The following SIPA1 variants were observed in gnomAD, a reference collection of about 807,000 sequenced individuals.
SIPA1 encodes the protein signal-induced proliferation-associated protein 1.
Under a neutral mutation model 88.1 loss-of-function variants are expected in SIPA1, and 51 were observed. That is an observed-to-expected ratio of 0.58 (90% CI 0.46 to 0.73). The LOEUF (loss-of-function observed/expected upper bound fraction) is 0.73, where lower values mean the gene tolerates loss of function less well. Among genes scored for constraint, SIPA1 ranks in the 30% least tolerant of loss-of-function variants. The pLI, the probability that SIPA1 is intolerant of heterozygous loss-of-function variation, is 0.00. For missense variants in SIPA1, 1,348 were observed against 1,467.6 expected, an observed-to-expected ratio of 0.92 and a Z score of 1.33; for synonymous variants, 681 against 664.8, an observed-to-expected ratio of 1.02 and a Z score of -0.37.
At chr11:65,638,816 G>A (rs2135501722) in intron 1 of SIPA1, among the ~76,000 whole-genome samples, 1 of 152,348 alleles carries the variant, frequency 6.6e-6, no homozygotes, top group South Asian at 2.1e-4. Context: ...CCAGAGCCTG[G>A]CACTGGGCCA....
intron 5 of SIPA1, 68 bp downstream of exon 5, chr11:65,645,197 C>T (rs983852854): frequency 6.8e-7 from 1 of 1,467,052 alleles, no homozygotes; most frequent in African/African-American, 1.4e-5. Flanking sequence ...ATTGCCTTGT[C>T]ACTCCTTTGT....
In SIPA1 at chr11:65,649,773, C is replaced by T. The variant is rs1856221341; in HGVS notation, c.2654C>T (p.Pro885Leu). Residue 885 changes from proline (P) to leucine (L), a missense_variant, in exon 12 of 16, where the codon CCC (proline) becomes CTC (leucine). Transcript: ENST00000534313. The part of the protein sequence containing the change: ...TPLTQDRPGS[P>L]SGSEDKGNPA... The stretch of plus-strand genomic sequence containing the variant: ...GTGGCACAGGACAGGCCAGGCAGTC[C>T]CAGTGGCTCTGAGGACAAGGGCAAC... The T allele has an allele frequency of 6.2e-7, 1 of 1,614,042 alleles. No homozygotes were observed. Among genetic ancestry groups the T allele is most frequent in the Admixed American group, 1.7e-5 (1 of 60,024 alleles).
At position 65,647,507 on chromosome 11, in the gene SIPA1, A is replaced by G; in HGVS notation, c.2155A>G (p.Thr719Ala). Residue 719 changes from threonine to alanine, a missense_variant, in exon 9 of 16, where the codon ACG (threonine) becomes GCG (alanine). By Grantham distance (58) the Thr-to-Ala change is moderately conservative. Coordinates refer to ENST00000534313, the MANE Select transcript of SIPA1 (RefSeq NM_006747.4). ...CGTGGAGCGCTTCACATTCGCCGAG[A>G]CGGCGGGGCTGCGGCCCGGGGCGCG... is the stretch of plus-strand genomic sequence containing the variant. Reference protein sequence around the residue: ...THVERFTFAETAGLRPGARLL... With the variant: ...THVERFTFAEAAGLRPGARLL... 1 of 1,401,972 alleles carries G rather than the reference A, an allele frequency of 7.1e-7. No individual in the cohort carries two copies. Among genetic ancestry groups the G allele is most frequent in the Non-Finnish European group, 9.2e-7 (1 of 1,082,224 alleles). 86.8% of individuals were successfully genotyped at this position (1,401,972 alleles called of 1,614,324 possible).
At chr11:65,647,103 C>T (rs2135524676) in intron 8 of SIPA1, 38 bp downstream of exon 8, 3 of 1,456,310 alleles carry the variant, frequency 2.1e-6, no homozygotes, top group Non-Finnish European at 9.0e-7. Flanking sequence ...CTGCGCGCGG[C>T]GGGGCGGAGC....
At position 65,649,678 on chromosome 11, in the gene SIPA1, C is replaced by G. The variant is rs1856218491; in HGVS notation, c.2637+6C>G. Reference sequence around the variant, plus strand: ...GTGAGACACCCCTGACCCAGGTGAGCAGAAACCAGGCTCTGGAGCCCAACA... The same window carrying G: ...GTGAGACACCCCTGACCCAGGTGAGGAGAAACCAGGCTCTGGAGCCCAACA... On this transcript the variant is annotated splice_donor_region_variant and intron_variant, in intron 11 of 15. Coordinates refer to ENST00000534313, the MANE Select transcript of SIPA1 (RefSeq NM_006747.4). 6.2e-7 allele frequency: 1 copy of G among 1,613,960 alleles called. No individual in the cohort carries two copies. Among genetic ancestry groups the G allele is most frequent in the Non-Finnish European group, 8.5e-7 (1 of 1,180,044 alleles).
intron 4 of SIPA1, among the ~76,000 whole-genome samples, chr11:65,643,950 G>C (rs943999785): frequency 6.6e-6 from 1 of 152,148 alleles, no homozygotes; most frequent in African/African-American, 2.4e-5. Context: ...GGGATGCCAG[G>C]CTGAAGGCTA....
At position 65,641,117 on chromosome 11, in the gene SIPA1, G is replaced by A. The variant is rs2135507393; in HGVS notation, c.196G>A (p.Ala66Thr). The A allele has an allele frequency of 6.2e-7, 1 of 1,601,458 alleles. No homozygotes were observed. Among genetic ancestry groups the A allele is most frequent in the Non-Finnish European group, 8.5e-7 (1 of 1,178,904 alleles). ...DAGEARPPTP[A>T]SPRARAHSHE... is the part of the protein sequence containing the mutation. ...AGGCGAGGCCAGGCCCCCCACGCCA[G>A]CCAGCCCCCGTGCCCGTGCCCACAG... Residue 66 changes from alanine to threonine, a missense_variant, in exon 2 of 16, where the codon GCC becomes ACC. Physicochemically the swap from Ala to Thr is moderately conservative, Grantham distance 58. Transcript: ENST00000534313.
rs1207503096 is a variant in SIPA1, at chr11:65,649,856, A to G, written c.2737A>G (p.Ile913Val). ...LPRTLSLRNS[I>V]SRIMSEAGSG... ...ACGTACCTTGTCTCTGCGGAACTCC[A>G]TCAGCAGGAGTGAGTCTGGACCCAG... Residue 913 changes from isoleucine to valine, a missense_variant, in exon 12 of 16, where the codon ATC becomes GTC. Physicochemically the swap from Ile to Val is conservative, Grantham distance 29 (BLOSUM62 3). Coordinates refer to ENST00000534313, the MANE Select transcript of SIPA1 (RefSeq NM_006747.4). 4 of 1,613,826 alleles carry G rather than the reference A, an allele frequency of 2.5e-6. No homozygotes were observed. The highest frequency in any genetic ancestry group is 3.4e-6 in the Non-Finnish European group (4 of 1,179,968).
intron 1 of SIPA1, chr11:65,639,983 A>G (rs1235339295): frequency 2.0e-5 from 3 of 152,266 alleles, no homozygotes; most frequent in Non-Finnish European, 4.4e-5. Flanking sequence ...CATCTGTCAC[A>G]TGGGGTTCAG....
chr11:65,645,075 G>T lies in SIPA1; in HGVS notation c.1105G>T (p.Asp369Tyr). 1 of 1,614,082 alleles carries T rather than the reference G, an allele frequency of 6.2e-7. No individual in the cohort carries two copies. The highest frequency in any genetic ancestry group is 8.5e-7 in the Non-Finnish European group (1 of 1,179,936). Residue 369 changes from aspartate to tyrosine, a missense_variant, in exon 5 of 16, where the codon GAT (aspartate) becomes TAT (tyrosine). By Grantham distance (160) the Asp-to-Tyr change is radical. This residue lies in a region of SIPA1 where 641 missense variants were observed against 797.7 expected (regional missense o/e 0.80). Coordinates refer to ENST00000534313, the MANE Select transcript of SIPA1 (RefSeq NM_006747.4). ...CATGCAGTTTCTCACCTTGCTGGGC[G>T]ATGTGGTGCGGCTCAAAGGCTTTGA... ...AFMQFLTLLGDVVRLKGFESY... is the reference protein window; with the variant it reads ...AFMQFLTLLGYVVRLKGFESY...
chr11:65,649,191 TG>T, intron 9 of SIPA1, 70 bp from the exon 10 acceptor site: 3 of 1,132,046 alleles, frequency 2.7e-6, no homozygotes, highest in Non-Finnish European at 3.7e-6. Context: ...CCTGGCGGGC[TG>T]GGGGTGGGGC....
chr11:65,645,631 C>G (rs1856096360), intron 5 of SIPA1, among the ~76,000 whole-genome samples: 1 of 152,148 alleles, frequency 6.6e-6, no homozygotes, highest in Non-Finnish European at 1.5e-5. Context: ...CCTGACCCCC[C>G]TTCACTCTGG....
Position 65,647,440 on chromosome 11 carries a change from C to G in SIPA1, c.2088C>G (p.Gly696=), listed in dbSNP as rs768710844. Residue 696 remains glycine, a synonymous_variant, in exon 9 of 16, where the codon GGC becomes GGG. Transcript: ENST00000534313. ...TGGCGCTGCCCCGCGACGGTCAAGGCCGCCTGGGCTTCGAGGTGGACGCCG... is the reference window on the plus strand; with the variant it reads ...TGGCGCTGCCCCGCGACGGTCAAGGGCGCCTGGGCTTCGAGGTGGACGCCG... The part of the protein sequence containing the change: ...RELALPRDGQ[G]RLGFEVDAEG... 2 of 1,481,280 alleles carry G rather than the reference C, an allele frequency of 1.4e-6. No homozygotes were observed. The highest frequency in any genetic ancestry group is 2.5e-5 in the South Asian group (2 of 80,034). The allele number at this position is 1,481,280 out of a possible 1,614,324, so 91.8% of individuals were successfully genotyped here.
intron 1 of SIPA1, among the ~76,000 whole-genome samples, chr11:65,639,404 C>T (rs916676193): frequency 2.0e-5 from 3 of 152,220 alleles, no homozygotes; most frequent in East Asian, 3.8e-4. Flanking sequence ...CCACCGCACC[C>T]GGCCAGTTAA....
In SIPA1 at chr11:65,642,632, A is replaced by C. The variant is rs1436024215; in HGVS notation, c.977A>C (p.Glu326Ala). 6.4e-7 allele frequency: 1 copy of C among 1,560,042 alleles called. No homozygotes were observed. Among genetic ancestry groups the C allele is most frequent in the Non-Finnish European group, 8.7e-7 (1 of 1,155,442 alleles). Residue 326 changes from glutamate to alanine, a missense_variant, in exon 4 of 16, where the codon GAG becomes GCG. This residue lies in a region of SIPA1 where 641 missense variants were observed against 797.7 expected (regional missense o/e 0.80). Coordinates refer to ENST00000534313, the MANE Select transcript of SIPA1 (RefSeq NM_006747.4). This position sits in a 1 kb window ranked among gnomAD's most constrained non-coding sequence, Gnocchi z 6.5. Reference sequence around the variant, plus strand: ...CCACGGACGCTGCTCACACTGGATGAGCAAGTGGTGAGTGGCGGGCCGCGG... The same window carrying C: ...CCACGGACGCTGCTCACACTGGATGCGCAAGTGGTGAGTGGCGGGCCGCGG... Reference protein sequence around the residue: ...KVPRTLLTLDEQVLSFQRKVG... With the variant: ...KVPRTLLTLDAQVLSFQRKVG...
chr11:65,646,781 TGGGG>T lies in SIPA1; in HGVS notation c.1748_1751del (p.Trp583Ter). On this transcript the variant is annotated frameshift_variant, in exon 8 of 16. Transcript: ENST00000534313. LOFTEE classifies it high-confidence loss of function. This position sits in a 1 kb window ranked among gnomAD's most constrained non-coding sequence, Gnocchi z 7.5. Reference sequence around the variant, plus strand: ...GCTGCAGGCAGCGGGCTCACTGGTGTGGGGAGTGCGCGCGGCGCCCGGGGCGCGG... The same window carrying T: ...GCTGCAGGCAGCGGGCTCACTGGTGTAGTGCGCGCGGCGCCCGGGGCGCGG... The T allele has an allele frequency of 7.1e-7, 1 of 1,402,874 alleles. No homozygotes were observed. The highest frequency in any genetic ancestry group is 9.2e-7 in the Non-Finnish European group (1 of 1,085,738). The allele number at this position is 1,402,874 out of a possible 1,614,324, so 86.9% of individuals were successfully genotyped here.
Position 65,642,530 on chromosome 11 carries a change from C to A in SIPA1, c.875C>A (p.Pro292Gln). ...LPPGPPRGLSPRKLLEHVAPQ... is the reference protein window; with the variant it reads ...LPPGPPRGLSQRKLLEHVAPQ... ...CCGGGGCCCCCACGGGGTCTGTCCCCAAGGAAACTTCTGGAGCACGTGGCG... is the reference window on the plus strand; with the variant it reads ...CCGGGGCCCCCACGGGGTCTGTCCCAAAGGAAACTTCTGGAGCACGTGGCG... The change falls in exon 4 of 16, where the codon CCA becomes CAA. Residue 292 changes from proline (P) to glutamine (Q), a missense_variant. By Grantham distance (76) the Pro-to-Gln change is moderately conservative. Around this residue, in one of 4 missense-constraint regions of SIPA1, gnomAD observed 641 missense variants for 797.7 expected, o/e 0.80. Transcript: ENST00000534313. This position sits in a 1 kb window ranked among gnomAD's most constrained non-coding sequence, Gnocchi z 6.5. The A allele has an allele frequency of 6.2e-7, 1 of 1,608,550 alleles. No homozygotes were observed. Among genetic ancestry groups the A allele is most frequent in the Non-Finnish European group, 8.5e-7 (1 of 1,179,292 alleles).
rs771355696 is a variant in SIPA1, at chr11:65,642,612, G to T, written c.957G>T (p.Arg319=). The T allele has an allele frequency of 2.2e-5, 35 of 1,585,312 alleles. No homozygotes were observed. Among genetic ancestry groups the T allele is most frequent in the South Asian group, 1.0e-4 (9 of 89,546 alleles). Residue 319 remains arginine (R), a synonymous_variant, in exon 4 of 16, where the codon CGG becomes CGT. Transcript: ENST00000534313. This position sits in a 1 kb window ranked among gnomAD's most constrained non-coding sequence, Gnocchi z 6.5. ...GCTCAGCTTCACCCAAGGTACCACG[G>T]ACGCTGCTCACACTGGATGAGCAAG... ...RLGSASPKVP[R]TLLTLDEQVL...
In SIPA1 at chr11:65,647,489, C is replaced by A; in HGVS notation, c.2137C>A (p.Arg713Ser). ...DAEGFVTHVERFTFAETAGLR... is the reference protein window; with the variant it reads ...DAEGFVTHVESFTFAETAGLR... ...CGAGGGATTCGTCACGCACGTGGAGCGCTTCACATTCGCCGAGACGGCGGG... is the reference window on the plus strand; with the variant it reads ...CGAGGGATTCGTCACGCACGTGGAGAGCTTCACATTCGCCGAGACGGCGGG... Residue 713 changes from arginine (R) to serine (S), a missense_variant, in exon 9 of 16, where the codon CGC (arginine) becomes AGC (serine). Physicochemically the swap from Arg to Ser is moderately radical, Grantham distance 110. Coordinates refer to ENST00000534313, the MANE Select transcript of SIPA1 (RefSeq NM_006747.4). 2 of 1,443,286 alleles carry A rather than the reference C, an allele frequency of 1.4e-6. No homozygotes were observed. Among genetic ancestry groups the A allele is most frequent in the East Asian group, 3.0e-5 (1 of 32,796 alleles). The allele number at this position is 1,443,286 out of a possible 1,614,324, so 89.4% of individuals were successfully genotyped here.
Sources: gnomAD v4.1 joint callset for allele counts (sites outside exome capture counted in the v4.1 genomes callset) on GRCh38, gnomAD v4.1.1 for gene constraint, gnomAD v4.1.1 regional missense constraint, Gnocchi (gnomAD v3.1) non-coding constraint, MANE v1.5 for transcripts, NCBI Gene and HGNC (gene_info 2026-07-23, HGNC 2026-07-21) for gene names.